RASGRF2: variants seen among roughly 807,000 people sequenced by gnomAD.
RASGRF2 encodes ras-specific guanine nucleotide-releasing factor 2.
In RASGRF2, 76 loss-of-function variants were observed where a neutral mutation model predicts 151.0. The ratio of observed to expected loss-of-function variants is 0.50; its 90% CI spans 0.42 to 0.61. The LOEUF (loss-of-function observed/expected upper bound fraction) is 0.61. Among genes scored for constraint, RASGRF2 ranks in the 20% least tolerant of loss-of-function variants. The pLI is 0.00. For missense variants in RASGRF2, 1,148 were observed against 1,564.6 expected (o/e 0.73, Z 4.49); for synonymous variants, 504 against 566.5 (o/e 0.89, Z 1.57).
chr5:81,143,191 C>T (rs965078343), intron 17 of RASGRF2, among the ~76,000 whole-genome samples: 2 of 152,116 alleles, frequency 1.3e-5, no homozygotes, highest in Non-Finnish European at 2.9e-5. Flanking sequence ...CTCTGTCGCA[C>T]AGGCTAGAGT....
chr5:81,146,173 C>T (rs1417912992), intron 17 of RASGRF2, among the ~76,000 whole-genome samples: 3 of 152,170 alleles, frequency 2.0e-5, no homozygotes, highest in Non-Finnish European at 4.4e-5. Context: ...TGAATAGACT[C>T]ATTTTTCTCT....
chr5:81,140,499 G>A (rs1440943579), intron 17 of RASGRF2, among the ~76,000 whole-genome samples: 1 of 151,884 alleles, frequency 6.6e-6, no homozygotes, highest in Non-Finnish European at 1.5e-5. Flanking sequence ...TTGTGGAACT[G>A]CAAAGCTGCA....
At chr5:81,205,340 A>T (rs1755482264) in intron 19 of RASGRF2, among the ~76,000 whole-genome samples, 1 of 152,194 alleles carries the variant, frequency 6.6e-6, no homozygotes, top group Admixed American at 6.5e-5. Context: ...GAGTAAAGGA[A>T]GGGCCCACAA....
At chr5:81,056,113 A>T (rs1187241280) in intron 2 of RASGRF2, among the ~76,000 whole-genome samples, 4 of 151,782 alleles carry the variant, frequency 2.6e-5, no homozygotes, top group Non-Finnish European at 5.9e-5. Context: ...AGGGTTTTTT[A>T]TGTCTCTATC....
intron 19 of RASGRF2, among the ~76,000 whole-genome samples, chr5:81,202,662 G>A (rs916169479): frequency 1.2e-4 from 19 of 152,380 alleles, no homozygotes; most frequent in Non-Finnish European, 2.1e-4. Flanking sequence ...GCCATTGCCA[G>A]TGTAATCAGT....
intron 18 of RASGRF2, among the ~76,000 whole-genome samples, chr5:81,184,208 T>C (rs999597480): frequency 6.6e-6 from 1 of 152,204 alleles, no homozygotes; most frequent in Non-Finnish European, 1.5e-5. Context: ...ACAGTCTAAG[T>C]AAAGGAAGTG....
chr5:81,049,198 A>G lies in RASGRF2; in HGVS notation c.395+6215A>G, dbSNP rs188428995. Among the ~76,000 whole-genome samples, 60 of 151,996 alleles carry G rather than the reference A, an allele frequency of 3.9e-4. No individual in the cohort carries two copies. The East Asian group carries it at 0.011, about 29-fold the overall frequency. The stretch of plus-strand genomic sequence containing the variant: ...AAAAAAAAAAAATTCAGACAATACA[A>G]AAGTAAAGAGTTATAGTTCCACCCC... On this transcript the variant is annotated intron_variant, in intron 2 of 26. Transcript: ENST00000265080.
At chr5:81,157,076 T>A (rs1754275504) in intron 17 of RASGRF2, among the ~76,000 whole-genome samples, 1 of 152,106 alleles carries the variant, frequency 6.6e-6, no homozygotes, top group Non-Finnish European at 1.5e-5. Context: ...TTAAAAAGAA[T>A]CAACTACGGC....
intron 1 of RASGRF2, among the ~76,000 whole-genome samples, chr5:80,987,242 C>G (rs1395178175): frequency 6.6e-6 from 1 of 152,150 alleles, no homozygotes; most frequent in East Asian, 1.9e-4. Flanking sequence ...CTACAGTGCT[C>G]AAGAGGTAGG....
chr5:81,158,127 C>G (rs1229139454), intron 17 of RASGRF2, among the ~76,000 whole-genome samples: 4 of 152,122 alleles, frequency 2.6e-5, no homozygotes, highest in African/African-American at 7.2e-5. Flanking sequence ...TTAAAACTTA[C>G]TATAAGACTA....
intron 17 of RASGRF2, among the ~76,000 whole-genome samples, chr5:81,158,064 C>A (rs73768025): frequency 0.074 from 11,229 of 152,174 alleles, 676 homozygotes; most frequent in African/African-American, 0.16. Context: ...CTCAAAATAG[C>A]CAAACCATCT....
chr5:81,189,538 T>TGG (rs942694093), intron 18 of RASGRF2, among the ~76,000 whole-genome samples: 1 of 151,270 alleles, frequency 6.6e-6, no homozygotes, highest in African/African-American at 2.4e-5. Flanking sequence ...TCACCCAGGC[T>TGG]GGGGGGCAGT....
chr5:81,175,972 C>A (rs1349958502), intron 17 of RASGRF2, among the ~76,000 whole-genome samples: 1 of 152,062 alleles, frequency 6.6e-6, no homozygotes, highest in African/African-American at 2.4e-5. Flanking sequence ...AAGAGACATG[C>A]CTGTAGCAGT....
chr5:81,028,045 T>G (rs1463939112), intron 1 of RASGRF2, among the ~76,000 whole-genome samples: 1 of 151,366 alleles, frequency 6.6e-6, no homozygotes, highest in Non-Finnish European at 1.5e-5. Flanking sequence ...GGGTGGGGAG[T>G]TGGAATTTGA....
chr5:81,174,024 T>C (rs541195089), intron 17 of RASGRF2, among the ~76,000 whole-genome samples: 1 of 152,224 alleles, frequency 6.6e-6, no homozygotes, highest in East Asian at 1.9e-4. Context: ...TCGGAGACAA[T>C]AACTGAAACC....
chr5:81,086,182 T>A (rs1752223853), intron 8 of RASGRF2, among the ~76,000 whole-genome samples: 2 of 152,016 alleles, frequency 1.3e-5, no homozygotes, highest in African/African-American at 4.8e-5. Flanking sequence ...AGTTTGGAAA[T>A]GTTCATGTTT....
At chr5:81,155,954 A>G (rs766187233) in intron 17 of RASGRF2, among the ~76,000 whole-genome samples, 7 of 152,170 alleles carry the variant, frequency 4.6e-5, no homozygotes, top group Admixed American at 6.5e-5. Context: ...CTTGCCTGGG[A>G]ATGTTCAAGG....
At chr5:80,988,304 GC>G (rs1748541814) in intron 1 of RASGRF2, among the ~76,000 whole-genome samples, 1 of 151,976 alleles carries the variant, frequency 6.6e-6, no homozygotes, top group African/African-American at 2.4e-5. Context: ...CCATGCCTCG[GC>G]CTCCCAAAGT....
chr5:81,102,913 T>C lies in RASGRF2; in HGVS notation c.1756-6083T>C, dbSNP rs139127047. On this transcript the variant is annotated intron_variant, in intron 12 of 26. Transcript: ENST00000265080. Reference sequence around the variant, plus strand: ...GTGCTCAAATTAAAAATTACAAATCTTGTGAGTAAATTATGTATCATGAGT... The same window carrying C: ...GTGCTCAAATTAAAAATTACAAATCCTGTGAGTAAATTATGTATCATGAGT... 3.7e-3 allele frequency among the ~76,000 whole-genome samples: 560 copies of C among 152,194 alleles called. 3 individuals carry two copies. Among genetic ancestry groups the C allele is most frequent in the Non-Finnish European group, 7.0e-3 (476 of 68,002 alleles).
Sources: gnomAD v4.1 joint callset for allele counts (sites outside exome capture counted in the v4.1 genomes callset) on GRCh38, gnomAD v4.1.1 for gene constraint, MANE v1.5 for transcripts, NCBI Gene and HGNC (gene_info 2026-07-23, HGNC 2026-07-21) for gene names.